Variants in MOV10L1 observed in about 807,000 individuals in gnomAD.
The protein encoded by MOV10L1 is Mov10 like RNA helicase 1, also known as RNA helicase Mov10l1.
MOV10L1 carries 110 observed loss-of-function variants against 143.8 expected under a neutral mutation model. That is an observed-to-expected ratio of 0.76 (90% confidence interval 0.66 to 0.90). The LOEUF (loss-of-function observed/expected upper bound fraction) is 0.90. Ranked by LOEUF, MOV10L1 falls within the 40% of genes least tolerant of loss-of-function variation. The probability of loss-of-function intolerance (pLI) is 0.00; values close to 1 mark genes in which losing one functional copy is unlikely to be tolerated. For missense variants in MOV10L1, 1,406 were observed against 1,526.8 expected (o/e 0.92, Z 1.32); for synonymous variants, 593 against 581.1 (o/e 1.02, Z -0.29).
chr22:50,129,117 C>T (rs1263353978), intron 13 of MOV10L1, among the ~76,000 whole-genome samples: 1 of 152,064 alleles, frequency 6.6e-6, no homozygotes, highest in African/African-American at 2.4e-5. Context: ...TTGCATACCC[C>T]GTGTTTCTAG....
Position 50,144,197 on chromosome 22 carries a change from A to G in MOV10L1, c.2459A>G (p.Gln820Arg), listed in dbSNP as rs2272837. ...CGGCTGCACGAGAGCAAGGTGCTAC[A>G]GCCGGCCACCATGGTCCGGGTGAAC... The part of the protein sequence containing the change: ...CLRLHESKVL[Q>R]PATMVRVNAT... The change falls in exon 18 of 27, where the codon CAG (glutamine) becomes CGG (arginine). Residue 820 changes from glutamine to arginine, a missense_variant. By Grantham distance (43) the Gln-to-Arg change is conservative. Around this residue, in one of 3 missense-constraint regions of MOV10L1, gnomAD observed 1,233 missense variants for 1,351.4 expected, o/e 0.91. Coordinates refer to ENST00000262794, the MANE Select transcript of MOV10L1 (RefSeq NM_018995.3). The G allele has an allele frequency of 0.26, 412,872 of 1,611,384 alleles. 57,359 individuals carry two copies. The highest frequency in any genetic ancestry group is 0.57 in the East Asian group (25,483 of 44,800).
chr22:50,134,426 G>A (rs1043925998), intron 14 of MOV10L1, 104 bp from the exon 15 acceptor site: 19 of 846,144 alleles, frequency 2.2e-5, no homozygotes, highest in Admixed American at 1.6e-4. Context: ...GAAAGGAAGG[G>A]AATAGAATAT....
At chr22:50,098,559 T>C (rs1353524934) in intron 2 of MOV10L1, among the ~76,000 whole-genome samples, 1 of 152,230 alleles carries the variant, frequency 6.6e-6, no homozygotes, top group Non-Finnish European at 1.5e-5. Flanking sequence ...TGCAAATGTA[T>C]GGAAATCTGA....
In MOV10L1 at chr22:50,134,056, G is replaced by A. The variant is rs746275781; in HGVS notation, c.1960G>A (p.Gly654Ser). Residue 654 changes from glycine (G) to serine (S), a missense_variant, in exon 14 of 27, where the codon GGT becomes AGT. Physicochemically the swap from Gly to Ser is moderately conservative, Grantham distance 56. This residue lies in a region of MOV10L1 where 1,233 missense variants were observed against 1,351.4 expected (regional missense o/e 0.91). Transcript: ENST00000262794. Reference sequence around the variant, plus strand: ...TGCACTTGAACACGTCATCCACTTAGGTGTAAAAGGTATTACTTTTATAGA... The same window carrying A: ...TGCACTTGAACACGTCATCCACTTAAGTGTAAAAGGTATTACTTTTATAGA... The part of the protein sequence containing the change: ...HFALEHVIHL[G>S]VKVLFPEEII... The A allele has an allele frequency of 1.9e-6, 3 of 1,609,440 alleles. No individual in the cohort carries two copies. Among genetic ancestry groups the A allele is most frequent in the Admixed American group, 3.4e-5 (2 of 58,536 alleles).
At chr22:50,122,180 A>G (rs961292913) in intron 10 of MOV10L1, among the ~76,000 whole-genome samples, 2 of 152,238 alleles carry the variant, frequency 1.3e-5, no homozygotes, top group East Asian at 1.9e-4. Flanking sequence ...CCTCCAGGCT[A>G]TGAACATGGA....
At chr22:50,145,407 G>A (rs1465674817) in intron 18 of MOV10L1, among the ~76,000 whole-genome samples, 1 of 152,196 alleles carries the variant, frequency 6.6e-6, no homozygotes, top group African/African-American at 2.4e-5. Context: ...GGGCGACAGA[G>A]CAAGAGCAAG....
intron 3 of MOV10L1, among the ~76,000 whole-genome samples, chr22:50,106,008 T>C (rs75776719): frequency 0.018 from 2,714 of 152,338 alleles, 39 homozygotes; most frequent in South Asian, 0.061. Flanking sequence ...ACTGTGGTGC[T>C]TTACTCCGTT....
At chr22:50,121,667 A>C (rs1215358898) in intron 10 of MOV10L1, among the ~76,000 whole-genome samples, 1 of 152,182 alleles carries the variant, frequency 6.6e-6, no homozygotes, top group African/African-American at 2.4e-5. Flanking sequence ...CAAATGCCTG[A>C]ATGGTTCATC....
chr22:50,102,304 G>A (rs921883567), intron 3 of MOV10L1, among the ~76,000 whole-genome samples: 6 of 152,198 alleles, frequency 3.9e-5, no homozygotes, highest in Non-Finnish European at 4.4e-5. Flanking sequence ...AACCGGTCAA[G>A]CACCGTCTCC....
chr22:50,135,021 C>CTTTT, intron 15 of MOV10L1, among the ~76,000 whole-genome samples: 1 of 148,180 alleles, frequency 6.7e-6, no homozygotes, highest in Admixed American at 6.8e-5. Flanking sequence ...TCTTTTCTTT[C>CTTTT]TTTTTTTTTT....
intron 19 of MOV10L1, among the ~76,000 whole-genome samples, chr22:50,148,093 C>A (rs1395932993): frequency 6.6e-6 from 1 of 152,228 alleles, no homozygotes; most frequent in Non-Finnish European, 1.5e-5. Flanking sequence ...GAGGGGAGAT[C>A]CTGGAATCAG....
chr22:50,144,590 T>G (rs991202921), intron 18 of MOV10L1, among the ~76,000 whole-genome samples: 2 of 119,386 alleles, frequency 1.7e-5, no homozygotes, highest in Admixed American at 9.1e-5. Flanking sequence ...TTGTTTTGTT[T>G]TTTTTTTTTG....
intron 19 of MOV10L1, among the ~76,000 whole-genome samples, chr22:50,148,970 A>G (rs2063224952): frequency 6.6e-6 from 1 of 151,800 alleles, no homozygotes; most frequent in South Asian, 2.1e-4. Flanking sequence ...GACCAACCCC[A>G]TTTTCTTAAT....
In MOV10L1 at chr22:50,152,911, A is replaced by G. The variant is rs2063335254; in HGVS notation, c.2893-134A>G. 25 of 860,526 alleles carry G rather than the reference A, an allele frequency of 2.9e-5. No homozygotes were observed. In the South Asian group the frequency reaches 4.6e-4, roughly 16 times the overall value. The allele number at this position is 860,526 out of a possible 1,614,324, so 53.3% of individuals were successfully genotyped here. Reference sequence around the variant, plus strand: ...GGCTTGGTCTGGGGGCAGGCGACACACAGGGGCGCAGGAGCAGAGTCAGGC... The same window carrying G: ...GGCTTGGTCTGGGGGCAGGCGACACGCAGGGGCGCAGGAGCAGAGTCAGGC... On this transcript the variant is annotated intron_variant, in intron 21 of 26. Transcript: ENST00000262794. The surrounding 1 kb of genome is among the most constrained non-coding windows in gnomAD (Gnocchi z 4.4).
chr22:50,154,183 G>A (rs903094170), intron 22 of MOV10L1, among the ~76,000 whole-genome samples: 10 of 152,142 alleles, frequency 6.6e-5, no homozygotes, highest in Non-Finnish European at 1.3e-4. Context: ...GCACTCTGAG[G>A]CAGGTCCCTC....
rs1342339547 is a variant in MOV10L1, at chr22:50,144,392, C to T, written c.2505+149C>T. The T allele has an allele frequency of 1.9e-5, 18 of 958,854 alleles. No homozygotes were observed. The East Asian group carries it at 3.2e-4, about 17-fold the overall frequency. The allele number at this position is 958,854 out of a possible 1,614,324, so 59.4% of individuals were successfully genotyped here. A position where few individuals can be genotyped will look rare whatever the true frequency, so the allele number is the denominator to read the frequency against. ...TTGAGAAATGGCTCTGCCATGGGCC[C>T]TCCCTCACCGCTAAATGGTGGAGCT... is the stretch of plus-strand genomic sequence containing the variant. On this transcript the variant is annotated intron_variant, in intron 18 of 26. Transcript: ENST00000262794.
At chr22:50,112,673 C>T (rs557287285) in intron 5 of MOV10L1, among the ~76,000 whole-genome samples, 5 of 152,352 alleles carry the variant, frequency 3.3e-5, no homozygotes, top group South Asian at 2.1e-4. Flanking sequence ...CTCGTGGCCC[C>T]GGGTGGGGCA....
At chr22:50,144,658 T>C (rs967096916) in intron 18 of MOV10L1, among the ~76,000 whole-genome samples, 3 of 151,920 alleles carry the variant, frequency 2.0e-5, no homozygotes, top group Non-Finnish European at 2.9e-5. Context: ...CTCGGCTCAC[T>C]GCAAGCTCCG....
At chr22:50,143,289 G>A (rs1483478344) in intron 17 of MOV10L1, 68 bp downstream of exon 17, 1 of 1,511,780 alleles carries the variant, frequency 6.6e-7, no homozygotes, top group African/African-American at 1.4e-5. Context: ...GTGTCTTCAG[G>A]AAGTGTGAGT....
Sources: gnomAD v4.1 joint callset for allele counts (sites outside exome capture counted in the v4.1 genomes callset) on GRCh38, gnomAD v4.1.1 for gene constraint, gnomAD v4.1.1 regional missense constraint, Gnocchi (gnomAD v3.1) non-coding constraint, MANE v1.5 for transcripts, NCBI Gene and HGNC (gene_info 2026-07-23, HGNC 2026-07-21) for gene names.